Variants in DCK observed in about 807,000 individuals in gnomAD.
DCK encodes deoxyadenosine kinase.
DCK carries 23 observed loss-of-function variants against 38.3 expected under a neutral mutation model. The observed-to-expected ratio is 0.60, with a 90% CI of 0.43 to 0.85. The LOEUF (loss-of-function observed/expected upper bound fraction) is 0.85. Ranked by LOEUF, DCK falls within the 40% of genes least tolerant of loss-of-function variation. DCK has a pLI of 0.00. For missense variants in DCK, 259 were observed against 304.4 expected, an observed-to-expected ratio of 0.85 and a Z score of 1.11; for synonymous variants, 108 against 100.6, an observed-to-expected ratio of 1.07 and a Z score of -0.44.
At chr4:71,000,475 T>C (rs576593411) in intron 2 of DCK, among the ~76,000 whole-genome samples, 51 of 152,344 alleles carry the variant, frequency 3.3e-4, no homozygotes, top group African/African-American at 1.2e-3. Flanking sequence ...GCCTTGTTCT[T>C]TTTGCTTAGG....
chr4:71,003,143 G>T (rs1739853792), intron 2 of DCK, among the ~76,000 whole-genome samples: 1 of 152,142 alleles, frequency 6.6e-6, no homozygotes, highest in Non-Finnish European at 1.5e-5. Flanking sequence ...CTCTTGTAAG[G>T]CAGGCCTTGT....
intron 2 of DCK, among the ~76,000 whole-genome samples, chr4:71,012,327 T>C (rs1229026302): frequency 6.6e-6 from 1 of 151,858 alleles, no homozygotes; most frequent in Non-Finnish European, 1.5e-5. Context: ...CTCTGTAGAC[T>C]CCACCTCTGG....
At chr4:71,005,212 G>A (rs1347897432) in intron 2 of DCK, among the ~76,000 whole-genome samples, 1 of 151,966 alleles carries the variant, frequency 6.6e-6, no homozygotes, top group Admixed American at 6.6e-5. Flanking sequence ...CCCTTGGCTA[G>A]GGGAGGGAGT....
At chr4:70,998,010 T>A in intron 1 of DCK, 57 bp from the exon 2 acceptor site, 1 of 831,416 alleles carries the variant, frequency 1.2e-6, no homozygotes. Context: ...AATGACTACT[T>A]GACATCTTTT....
intron 4 of DCK, 96 bp from the exon 5 acceptor site, chr4:71,025,720 G>T (rs1035745112): frequency 4.9e-5 from 69 of 1,416,330 alleles, no homozygotes; most frequent in Non-Finnish European, 6.3e-5. Context: ...TTTGGCTAGC[G>T]TGAGTAGAGA....
At chr4:71,016,663 G>A (rs1740270774) in intron 2 of DCK, among the ~76,000 whole-genome samples, 1 of 152,112 alleles carries the variant, frequency 6.6e-6, no homozygotes, top group East Asian at 1.9e-4. Context: ...TGACAAACCT[G>A]AGAAAAACAA....
At chr4:71,010,939 CTT>C (rs112039606) in intron 2 of DCK, among the ~76,000 whole-genome samples, 8 of 141,380 alleles carry the variant, frequency 5.7e-5, no homozygotes, top group Admixed American at 7.1e-5. Flanking sequence ...ATAAGTCATT[CTT>C]TTTTTTTTTT....
intron 2 of DCK, among the ~76,000 whole-genome samples, chr4:71,009,790 T>C (rs1282299306): frequency 1.3e-5 from 2 of 152,266 alleles, no homozygotes; most frequent in African/African-American, 4.8e-5. Context: ...TTTTGAGATA[T>C]AGTTGTGGAA....
chr4:70,998,334 C>T, intron 2 of DCK, 152 bp downstream of exon 2: 1 of 444,902 alleles, frequency 2.2e-6, no homozygotes, highest in Non-Finnish European at 4.0e-6. Context: ...GATATATATA[C>T]AGTTGGCTCT....
chr4:70,998,752 C>T (rs1739718634), intron 2 of DCK, among the ~76,000 whole-genome samples: 1 of 151,896 alleles, frequency 6.6e-6, no homozygotes, highest in Non-Finnish European at 1.5e-5. Context: ...GGTGAAATGC[C>T]GTCTCTACTA....
chr4:71,019,634 A>G lies in DCK; in HGVS notation c.208-2733A>G, dbSNP rs201590802. Among the ~76,000 whole-genome samples the G allele has an allele frequency of 3.3e-5, 5 of 152,168 alleles. No homozygotes were observed. In the East Asian group the frequency reaches 7.7e-4, roughly 23 times the overall value. ...CTAGAAATATAGTCTTTTAAAACAT[A>G]TCATCTAAAAGATTAATAATTCTTT... On this transcript the variant is annotated intron_variant, in intron 2 of 6. Coordinates refer to ENST00000286648, the MANE Select transcript of DCK (RefSeq NM_000788.3).
At position 71,029,803 on chromosome 4, in the gene DCK, T is replaced by C. The variant is rs1740641154; in HGVS notation, c.*425T>C. The stretch of plus-strand genomic sequence containing the variant: ...TAATGTTACATAGTAAATGGTAGTG[T>C]GTCCTGTGTAAATTAGTGTACCTAT... On this transcript the variant is annotated 3_prime_UTR_variant, in exon 7 of 7. Coordinates refer to ENST00000286648, the MANE Select transcript of DCK (RefSeq NM_000788.3). 6.2e-6 allele frequency: 1 copy of C among 160,434 alleles called. No homozygotes were observed. Among genetic ancestry groups the C allele is most frequent in the Middle Eastern group, 3.1e-3 (1 of 326 alleles). 9.9% of individuals were successfully genotyped at this position (160,434 alleles called of 1,614,324 possible).
intron 2 of DCK, among the ~76,000 whole-genome samples, chr4:71,017,948 G>T (rs1740314500): frequency 6.6e-6 from 1 of 151,584 alleles, no homozygotes; most frequent in Non-Finnish European, 1.5e-5. Flanking sequence ...TATATATCAG[G>T]GCAATTAAAA....
In DCK at chr4:70,996,241, G is replaced by A. The variant is rs558872340; in HGVS notation, c.92-1826G>A. On this transcript the variant is annotated intron_variant, in intron 1 of 6. Coordinates refer to ENST00000286648, the MANE Select transcript of DCK (RefSeq NM_000788.3). ...AAAAGCCAGTTGTGTTAGCATGCAC[G>A]TTTAGTCCTAGCTACTCAGGAGGCT... Among the ~76,000 whole-genome samples, 96 of 150,918 alleles carry A rather than the reference G, an allele frequency of 6.4e-4. 2 individuals carry two copies. The South Asian group carries it at 0.013, about 21-fold the overall frequency.
rs539071298 is a variant in DCK at position 71,029,982 on chromosome 4, A to G, written c.*604A>G. The G allele has an allele frequency of 6.5e-6, 1 of 152,788 alleles. No individual in the cohort carries two copies. The highest frequency in any genetic ancestry group is 2.1e-4 in the South Asian group (1 of 4,824). 9.5% of individuals were successfully genotyped at this position (152,788 alleles called of 1,614,324 possible). On this transcript the variant is annotated 3_prime_UTR_variant, in exon 7 of 7. Coordinates refer to ENST00000286648, the MANE Select transcript of DCK (RefSeq NM_000788.3). ...CTGGATTAATTAGGCAGCCTGCTATAAAGTTAAAGTCACACATTTCTATTT... is the reference window on the plus strand; with the variant it reads ...CTGGATTAATTAGGCAGCCTGCTATGAAGTTAAAGTCACACATTTCTATTT...
At chr4:71,010,528 C>T (rs1473953649) in intron 2 of DCK, among the ~76,000 whole-genome samples, 3 of 149,774 alleles carry the variant, frequency 2.0e-5, no homozygotes, top group Non-Finnish European at 3.0e-5. Flanking sequence ...TGGAGGATCA[C>T]TATTATTGTG....
At chr4:70,996,448 A>G (rs1367189827) in intron 1 of DCK, among the ~76,000 whole-genome samples, 1 of 152,222 alleles carries the variant, frequency 6.6e-6, no homozygotes, top group African/African-American at 2.4e-5. Context: ...TTCTTTTGAA[A>G]AATCTGAAGA....
chr4:71,004,903 G>A (rs1739902037), intron 2 of DCK, among the ~76,000 whole-genome samples: 1 of 151,984 alleles, frequency 6.6e-6, no homozygotes, highest in South Asian at 2.1e-4. Flanking sequence ...GCTCCGTGGG[G>A]GTGGGATCTG....
intron 2 of DCK, among the ~76,000 whole-genome samples, chr4:71,009,853 A>G (rs60626187): frequency 6.6e-6 from 1 of 152,170 alleles, no homozygotes; most frequent in Non-Finnish European, 1.5e-5. Context: ...ATTTTCTTCC[A>G]CTAAACTCAA....
Sources: allele counts gnomAD v4.1 joint callset (sites outside exome capture counted in the v4.1 genomes callset), GRCh38; gene constraint gnomAD v4.1.1; transcripts MANE v1.5; gene names NCBI Gene and HGNC (gene_info 2026-07-23, HGNC 2026-07-21).